Variants in BRINP1 observed in about 807,000 individuals in gnomAD.
BRINP1 encodes the protein BMP/retinoic acid inducible neural specific 1, also known as BMP/retinoic acid-inducible neural-specific protein 1.
A neutral mutation model predicts 72.9 loss-of-function variants in BRINP1; 17 were observed. That is an observed-to-expected ratio of 0.23 (90% CI 0.16 to 0.35). BRINP1 has a LOEUF of 0.35. BRINP1 is among the 10% of genes least tolerant of loss of function. The pLI is 1.00. For synonymous variants in BRINP1, 418 were observed against 378.5 expected, an observed-to-expected ratio of 1.10 and a Z score of -1.21; for missense variants, 850 against 1,001.6, an observed-to-expected ratio of 0.85 and a Z score of 2.04.
intron 2 of BRINP1, among the ~76,000 whole-genome samples, chr9:119,290,919 TTGAGACCATCC>T (rs1224868462): frequency 6.6e-6 from 1 of 152,068 alleles, no homozygotes; most frequent in Admixed American, 6.5e-5. Flanking sequence ...GGTCAGGAGT[TTGAGACCATCC>T]TGGCCAACAT....
intron 2 of BRINP1, among the ~76,000 whole-genome samples, chr9:119,306,393 T>C (rs900580674): frequency 2.0e-5 from 3 of 152,304 alleles, no homozygotes; most frequent in South Asian, 4.1e-4. Flanking sequence ...CAGGGAGACC[T>C]TGATAAAAAA....
chr9:119,247,380 C>T (rs904036829), intron 3 of BRINP1, among the ~76,000 whole-genome samples: 1 of 151,846 alleles, frequency 6.6e-6, no homozygotes, highest in Non-Finnish European at 1.5e-5. Context: ...CAGCCAGGCA[C>T]GGTGGCTCAC....
intron 5 of BRINP1, among the ~76,000 whole-genome samples, chr9:119,219,374 G>A (rs1266081022): frequency 6.6e-6 from 1 of 151,922 alleles, no homozygotes; most frequent in Non-Finnish European, 1.5e-5. Context: ...TCTTATATGA[G>A]GATTAAAATA....
chr9:119,339,232 A>C (rs1319275744), intron 1 of BRINP1, among the ~76,000 whole-genome samples: 1 of 152,218 alleles, frequency 6.6e-6, no homozygotes, highest in Non-Finnish European at 1.5e-5. Context: ...GACAATCAAT[A>C]AACAAATGAG....
At chr9:119,256,181 T>C (rs1830446992) in intron 2 of BRINP1, among the ~76,000 whole-genome samples, 1 of 152,168 alleles carries the variant, frequency 6.6e-6, no homozygotes, top group African/African-American at 2.4e-5. Flanking sequence ...ATGTAAATGG[T>C]AGCTACCTTA....
chr9:119,351,807 T>C (rs1418049952), intron 1 of BRINP1, among the ~76,000 whole-genome samples: 1 of 125,216 alleles, frequency 8.0e-6, no homozygotes, highest in East Asian at 2.3e-4. Context: ...TTTTTCTCTT[T>C]TTATTTTTTT....
intron 7 of BRINP1, among the ~76,000 whole-genome samples, chr9:119,196,498 A>G (rs1425193986): frequency 6.6e-6 from 1 of 152,192 alleles, no homozygotes; most frequent in Non-Finnish European, 1.5e-5. Context: ...CTGGCTTCAT[A>G]TCACCTTAAT....
intron 7 of BRINP1, among the ~76,000 whole-genome samples, chr9:119,169,817 C>T (rs1485590453): frequency 6.6e-6 from 1 of 151,844 alleles, no homozygotes; most frequent in Non-Finnish European, 1.5e-5. Flanking sequence ...AAGTGGGTCC[C>T]TGACCCCTGA....
intron 5 of BRINP1, among the ~76,000 whole-genome samples, chr9:119,214,915 C>T (rs1829963157): frequency 6.6e-6 from 1 of 152,134 alleles, no homozygotes; most frequent in South Asian, 2.1e-4. Flanking sequence ...AATGGAGGTG[C>T]TCGTGCTGTA....
At chr9:119,223,070 C>G (rs1830057106) in intron 5 of BRINP1, among the ~76,000 whole-genome samples, 1 of 152,044 alleles carries the variant, frequency 6.6e-6, no homozygotes, top group Admixed American at 6.6e-5. Flanking sequence ...GTTCTCCAAG[C>G]ATGCCAAGTT....
intron 5 of BRINP1, among the ~76,000 whole-genome samples, chr9:119,214,733 G>T (rs1829961300): frequency 6.6e-6 from 1 of 152,156 alleles, no homozygotes; most frequent in African/African-American, 2.4e-5. Context: ...GCAGAAGACT[G>T]CAAATAACAT....
intron 2 of BRINP1, among the ~76,000 whole-genome samples, chr9:119,280,848 T>C (rs946122168): frequency 2.6e-5 from 4 of 152,176 alleles, no homozygotes; most frequent in Non-Finnish European, 5.9e-5. Context: ...GAGATTTATT[T>C]AATTCTGAAA....
At chr9:119,180,273 G>T (rs1014003421) in intron 7 of BRINP1, among the ~76,000 whole-genome samples, 3 of 152,204 alleles carry the variant, frequency 2.0e-5, no homozygotes, top group Admixed American at 6.5e-5. Context: ...AATGAAATTG[G>T]AGCTCTGCAT....
At chr9:119,327,877 T>G (rs1831255289) in intron 1 of BRINP1, among the ~76,000 whole-genome samples, 1 of 152,026 alleles carries the variant, frequency 6.6e-6, no homozygotes, top group African/African-American at 2.4e-5. Flanking sequence ...ACATTCAAGT[T>G]AGGATTTCTA....
intron 1 of BRINP1, among the ~76,000 whole-genome samples, chr9:119,362,544 C>A (rs978468369): frequency 6.6e-6 from 1 of 152,130 alleles, no homozygotes; most frequent in Non-Finnish European, 1.5e-5. Context: ...CATCACCATA[C>A]CCCCCAAGTC....
chr9:119,221,510 A>G (rs1422686747), intron 5 of BRINP1, among the ~76,000 whole-genome samples: 1 of 152,134 alleles, frequency 6.6e-6, no homozygotes, highest in Non-Finnish European at 1.5e-5. Context: ...CACCGGGTGA[A>G]ACTGTGCAGA....
At chr9:119,301,240 C>A (rs1376190254) in intron 2 of BRINP1, among the ~76,000 whole-genome samples, 1 of 152,166 alleles carries the variant, frequency 6.6e-6, no homozygotes, top group Non-Finnish European at 1.5e-5. Flanking sequence ...CCATCACCCA[C>A]CCAGCTGACC....
At chr9:119,177,500 C>A (rs1363968778) in intron 7 of BRINP1, among the ~76,000 whole-genome samples, 1 of 152,148 alleles carries the variant, frequency 6.6e-6, no homozygotes. Flanking sequence ...TTTCACATGG[C>A]CCACACTTGC....
chr9:119,262,508 C>T (rs1041466650), intron 2 of BRINP1, among the ~76,000 whole-genome samples: 27 of 151,508 alleles, frequency 1.8e-4, no homozygotes, highest in African/African-American at 6.3e-4. Flanking sequence ...TTGCCGGGCG[C>T]GGTGGTGGAT....
Sources: allele counts gnomAD v4.1 joint callset (sites outside exome capture counted in the v4.1 genomes callset), GRCh38; gene constraint gnomAD v4.1.1; transcripts MANE v1.5; gene names NCBI Gene and HGNC (gene_info 2026-07-23, HGNC 2026-07-21).